The following CCDC178 variants were observed in gnomAD, a reference collection of about 807,000 sequenced individuals.
The protein encoded by CCDC178 is coiled-coil domain-containing protein 178.
A neutral mutation model predicts 117.4 loss-of-function variants in CCDC178; 126 were observed. The ratio of observed to expected loss-of-function variants is 1.07; its 90% CI spans 0.93 to 1.24. The LOEUF (loss-of-function observed/expected upper bound fraction) is 1.24, where lower values mean the gene tolerates loss of function less well. Ranked by LOEUF, CCDC178 falls within the 50% of genes most tolerant of loss-of-function variation. The probability of loss-of-function intolerance (pLI) is 0.00; values close to 1 mark genes in which losing one functional copy is unlikely to be tolerated. For missense variants in CCDC178, 1,030 were observed against 986.9 expected, an observed-to-expected ratio of 1.04 and a Z score of -0.59; for synonymous variants, 283 against 313.4, an observed-to-expected ratio of 0.90 and a Z score of 1.02.
At chr18:33,145,121 C>T (rs2058252700) in intron 20 of CCDC178, among the ~76,000 whole-genome samples, 1 of 152,138 alleles carries the variant, frequency 6.6e-6, no homozygotes, top group South Asian at 2.1e-4. Context: ...AGACATCTAA[C>T]CATTCTTGAT....
chr18:33,263,959 A>G (rs1039369929), intron 14 of CCDC178, among the ~76,000 whole-genome samples: 2 of 152,128 alleles, frequency 1.3e-5, no homozygotes, highest in African/African-American at 2.4e-5. Context: ...CTGAAGCATG[A>G]GCTAGAAGAA....
At chr18:33,028,585 T>TA (rs2056274358) in intron 21 of CCDC178, among the ~76,000 whole-genome samples, 1 of 151,822 alleles carries the variant, frequency 6.6e-6, no homozygotes, top group Non-Finnish European at 1.5e-5. Context: ...TTTTATTTTT[T>TA]TGATTACTAA....
intron 22 of CCDC178, among the ~76,000 whole-genome samples, chr18:32,939,699 T>G (rs2054196427): frequency 6.6e-6 from 1 of 152,124 alleles, no homozygotes; most frequent in Non-Finnish European, 1.5e-5. Flanking sequence ...CTGTATTTTA[T>G]TTTGTGATCA....
Position 33,224,924 on chromosome 18 carries a change from A to G in CCDC178, c.1669T>C (p.Ser557Pro). ...TCAAGTGCCTGGACTTCGTAAATGG[A>G]ATATAGTTTTTTCTGCCAGCAAAGA... ...AGMVLQKKLY[S>P]IYEVQALERK... The change falls in exon 17 of 23, where the codon TCC becomes CCC. Residue 557 changes from serine (S) to proline (P), a missense_variant. Transcript: ENST00000383096. 1.3e-6 allele frequency: 2 copies of G among 1,482,434 alleles called. No homozygotes were observed. The highest frequency in any genetic ancestry group is 2.5e-5 in the East Asian group (1 of 39,628). 91.8% of individuals were successfully genotyped at this position (1,482,434 alleles called of 1,614,324 possible).
chr18:33,080,965 T>G (rs2057287647), intron 21 of CCDC178, among the ~76,000 whole-genome samples: 1 of 151,820 alleles, frequency 6.6e-6, no homozygotes, highest in Non-Finnish European at 1.5e-5. Flanking sequence ...AGTAAAAAAC[T>G]AAAGAGATAG....
intron 20 of CCDC178, among the ~76,000 whole-genome samples, chr18:33,102,957 T>C (rs2145106807): frequency 6.6e-6 from 1 of 151,948 alleles, no homozygotes; most frequent in South Asian, 2.1e-4. Context: ...CAATAGAGAC[T>C]GAGTGGACCA....
chr18:33,082,285 A>G (rs2057309847), intron 21 of CCDC178, among the ~76,000 whole-genome samples: 1 of 152,160 alleles, frequency 6.6e-6, no homozygotes, highest in Admixed American at 6.6e-5. Flanking sequence ...AGCCTGGGCA[A>G]CATAGTGAAA....
chr18:33,120,842 G>A (rs943564978), intron 20 of CCDC178, among the ~76,000 whole-genome samples: 11 of 151,974 alleles, frequency 7.2e-5, no homozygotes, highest in Non-Finnish European at 1.0e-4. Context: ...TTAAGTTACA[G>A]GATATTAAAC....
At chr18:33,017,838 C>A (rs1598793326) in intron 21 of CCDC178, among the ~76,000 whole-genome samples, 1 of 151,434 alleles carries the variant, frequency 6.6e-6, no homozygotes, top group Non-Finnish European at 1.5e-5. Flanking sequence ...ACTATAAAAC[C>A]CTCAGATGAA....
intron 20 of CCDC178, among the ~76,000 whole-genome samples, chr18:33,180,378 T>C (rs1342695256): frequency 6.6e-6 from 1 of 151,898 alleles, no homozygotes; most frequent in Non-Finnish European, 1.5e-5. Flanking sequence ...TTTTTCACTA[T>C]TAACTCAACA....
intron 3 of CCDC178, among the ~76,000 whole-genome samples, chr18:33,410,608 A>G (rs2063836520): frequency 6.6e-6 from 1 of 152,216 alleles, no homozygotes; most frequent in Non-Finnish European, 1.5e-5. Context: ...GTTTGGAATT[A>G]CTAAATGACT....
chr18:33,398,973 G>A (rs1310900295), intron 3 of CCDC178, among the ~76,000 whole-genome samples: 7 of 152,084 alleles, frequency 4.6e-5, no homozygotes, highest in Non-Finnish European at 5.9e-5. Context: ...GCCAAGGTGG[G>A]TGGATCACCT....
intron 22 of CCDC178, among the ~76,000 whole-genome samples, chr18:32,939,377 G>A (rs1310933396): frequency 2.6e-5 from 4 of 151,724 alleles, no homozygotes; most frequent in African/African-American, 9.7e-5. Context: ...AAATCCATCT[G>A]AATAAAGCCT....
intron 21 of CCDC178, among the ~76,000 whole-genome samples, chr18:32,998,754 G>A (rs912063709): frequency 6.6e-6 from 1 of 152,136 alleles, no homozygotes; most frequent in Admixed American, 6.5e-5. Context: ...GCCTTGAAGG[G>A]AAGGACCTCA....
At chr18:33,367,219 TG>T (rs1285491046) in intron 6 of CCDC178, among the ~76,000 whole-genome samples, 2 of 152,114 alleles carry the variant, frequency 1.3e-5, no homozygotes, top group Non-Finnish European at 2.9e-5. Context: ...AAGCATCACA[TG>T]TTCTCACTTT....
At chr18:33,134,597 C>T (rs1372384577) in intron 20 of CCDC178, among the ~76,000 whole-genome samples, 3 of 152,036 alleles carry the variant, frequency 2.0e-5, no homozygotes, top group African/African-American at 7.2e-5. Flanking sequence ...ATGGCCACTG[C>T]TTTCAAAACA....
chr18:33,178,310 A>G (rs571507351), intron 20 of CCDC178, among the ~76,000 whole-genome samples: 1 of 152,282 alleles, frequency 6.6e-6, no homozygotes, highest in East Asian at 1.9e-4. Flanking sequence ...CTAAGGTTTC[A>G]GCAAATCCCA....
intron 12 of CCDC178, among the ~76,000 whole-genome samples, chr18:33,288,383 C>T (rs1276418046): frequency 1.7e-5 from 2 of 115,506 alleles, no homozygotes; most frequent in Non-Finnish European, 3.6e-5. Flanking sequence ...TCCTCCCCTC[C>T]TCTCCCCCCC....
chr18:33,435,969 C>T (rs947240098), intron 2 of CCDC178, among the ~76,000 whole-genome samples: 7 of 151,460 alleles, frequency 4.6e-5, no homozygotes, highest in Non-Finnish European at 5.9e-5. Flanking sequence ...TTTTTAATGA[C>T]GATGGTATAT....
Sources: gnomAD v4.1 joint callset for allele counts (sites outside exome capture counted in the v4.1 genomes callset) on GRCh38, gnomAD v4.1.1 for gene constraint, MANE v1.5 for transcripts, NCBI Gene and HGNC (gene_info 2026-07-23, HGNC 2026-07-21) for gene names.